The following RUBCNL variants were observed in gnomAD, a reference collection of about 807,000 sequenced individuals.
The protein encoded by RUBCNL is rubicon like autophagy enhancer.
A neutral mutation model predicts 69.5 loss-of-function variants in RUBCNL; 62 were observed. That is an observed-to-expected ratio of 0.89 (90% CI 0.73 to 1.10). The LOEUF is 1.10. Among genes scored for constraint, RUBCNL ranks in the 50% least tolerant of loss-of-function variants. The probability of loss-of-function intolerance (pLI) is 0.00; values close to 1 mark genes in which losing one functional copy is unlikely to be tolerated. For missense variants in RUBCNL, 768 were observed against 798.1 expected (o/e 0.96, Z 0.45); for synonymous variants, 291 against 303.6 (o/e 0.96, Z 0.43).
At chr13:46,365,473 A>G (rs2048733374) in intron 5 of RUBCNL, among the ~76,000 whole-genome samples, 1 of 152,188 alleles carries the variant, frequency 6.6e-6, no homozygotes, top group Non-Finnish European at 1.5e-5. Flanking sequence ...ATGGCACTGG[A>G]GCATTCTGGA....
At chr13:46,365,190 C>A (rs1170782764) in intron 5 of RUBCNL, among the ~76,000 whole-genome samples, 1 of 149,882 alleles carries the variant, frequency 6.7e-6, no homozygotes, top group Non-Finnish European at 1.5e-5. Flanking sequence ...GTAATCCCAG[C>A]TATTTGGGAG....
rs186078964 is a variant in RUBCNL at position 46,376,571 on chromosome 13, C to T, written c.-123+1319G>A. Among the ~76,000 whole-genome samples the T allele has an allele frequency of 4.6e-5, 7 of 152,182 alleles. No individual in the cohort carries two copies. The East Asian group carries it at 7.7e-4, about 17-fold the overall frequency. On this transcript the variant is annotated intron_variant, in intron 2 of 14. Transcript: ENST00000429979. The stretch of plus-strand genomic sequence containing the variant: ...AATTTCTCTTTGTCACACATCTTTT[C>T]GTCTCCAATAATTCTGGATTTTATA...
At chr13:46,354,307 T>C (rs2048435173) in intron 10 of RUBCNL, among the ~76,000 whole-genome samples, 1 of 152,180 alleles carries the variant, frequency 6.6e-6, no homozygotes, top group Non-Finnish European at 1.5e-5. Context: ...CTGTACCCCA[T>C]GCTAATTTCT....
rs992859756 is a variant in RUBCNL at position 46,357,681 on chromosome 13, G to A, written c.1266-1185C>T. Among the ~76,000 whole-genome samples, 8 of 148,128 alleles carry A rather than the reference G, an allele frequency of 5.4e-5. No individual in the cohort carries two copies. The East Asian group carries it at 1.4e-3, about 26-fold the overall frequency. ...GTCTTATTCTGTTGCCCAGGCTGGA[G>A]TGCAGTGGTGCAATCTCAGCTCACT... On this transcript the variant is annotated intron_variant, in intron 9 of 14. Transcript: ENST00000429979.
intron 14 of RUBCNL, 132 bp from the exon 15 acceptor site, chr13:46,343,629 G>A (rs1255078789): frequency 3.3e-6 from 3 of 906,476 alleles, no homozygotes; most frequent in African/African-American, 1.7e-5. Flanking sequence ...AAAGAAACCA[G>A]CCAGGCTGAA....
At chr13:46,347,273 G>A (rs563940469) in intron 12 of RUBCNL, among the ~76,000 whole-genome samples, 34 of 152,220 alleles carry the variant, frequency 2.2e-4, no homozygotes, top group African/African-American at 8.2e-4. Context: ...CAGGTGTGAT[G>A]GCACATGTCT....
chr13:46,338,825 G>A lies in RUBCNL; in HGVS notation c.*4560C>T, dbSNP rs1421333130. The stretch of plus-strand genomic sequence containing the variant: ...TAATCCAAGCACTTTGGGAGGCCGA[G>A]GCGGGTAGATCACTTCTGAGACCAG... On this transcript the variant is annotated 3_prime_UTR_variant, in exon 15 of 15. Coordinates refer to ENST00000429979, the MANE Select transcript of RUBCNL (RefSeq NM_025113.5). 6.6e-6 allele frequency among the ~76,000 whole-genome samples: 1 copy of A among 152,084 alleles called. No homozygotes were observed. Among genetic ancestry groups the A allele is most frequent in the Non-Finnish European group, 1.5e-5 (1 of 68,020 alleles).
Position 46,335,098 on chromosome 13 carries a change from T to TCGA in RUBCNL, c.*8286_*8287insTCG, listed in dbSNP as rs2048095396. The stretch of plus-strand genomic sequence containing the variant: ...TTTTTTTTTTGAGATGGGGTCTCAC[T>TCGA]CTGTCACCCAGGCTGGAATGCAGTG... On this transcript the variant is annotated 3_prime_UTR_variant, in exon 15 of 15. Coordinates refer to ENST00000429979, the MANE Select transcript of RUBCNL (RefSeq NM_025113.5). Among the ~76,000 whole-genome samples the TCGA allele has an allele frequency of 1.3e-5, 2 of 151,724 alleles. No homozygotes were observed. Among genetic ancestry groups the TCGA allele is most frequent in the East Asian group, 3.9e-4 (2 of 5,172 alleles).
intron 10 of RUBCNL, among the ~76,000 whole-genome samples, chr13:46,356,030 C>T (rs1333040676): frequency 1.3e-5 from 2 of 152,110 alleles, no homozygotes; most frequent in Admixed American, 1.3e-4. Context: ...GATAGGGCAG[C>T]AAGGGAAGAC....
upstream of RUBCNL, among the ~76,000 whole-genome samples, chr13:46,388,228 G>GAAAAAAA (rs2049292060): frequency 7.4e-6 from 1 of 135,942 alleles, no homozygotes; most frequent in African/African-American, 2.7e-5. Flanking sequence ...AAACAGAAAG[G>GAAAAAAA]AGAAGAAGGG....
At chr13:46,387,691 G>C, upstream of RUBCNL, 1 of 985,710 alleles carries the variant, frequency 1.0e-6, no homozygotes, top group Non-Finnish European at 1.2e-6. Flanking sequence ...AACGTGAGCT[G>C]TCTCTCTCTG....
Position 46,361,641 on chromosome 13 carries a change from G to A in RUBCNL, c.987-68C>T, listed in dbSNP as rs1017493563. 46 of 1,489,400 alleles carry A rather than the reference G, an allele frequency of 3.1e-5. 1 individual carries two copies. The South Asian group carries it at 5.7e-4, about 18-fold the overall frequency. 92.3% of individuals were successfully genotyped at this position (1,489,400 alleles called of 1,614,324 possible). A position where few individuals can be genotyped will look rare whatever the true frequency, so the allele number is the denominator to read the frequency against. On this transcript the variant is annotated intron_variant, in intron 7 of 14. Transcript: ENST00000429979. Reference sequence around the variant, plus strand: ...AGGAGTATGTTCAGGGTCTTCCTGAGGTTTTCAACTGTTCTTCCCAGCCCC... The same window carrying A: ...AGGAGTATGTTCAGGGTCTTCCTGAAGTTTTCAACTGTTCTTCCCAGCCCC...
In RUBCNL at chr13:46,335,217, A is replaced by T. The variant is rs1232099196; in HGVS notation, c.*8168T>A. On this transcript the variant is annotated 3_prime_UTR_variant, in exon 15 of 15. Coordinates refer to ENST00000429979, the MANE Select transcript of RUBCNL (RefSeq NM_025113.5). ...GTAGCTGGGAATACTGGCACACACC[A>T]TTGTGCCCAGCTAATTTGTGTCTTT... Among the ~76,000 whole-genome samples, 2 of 145,334 alleles carry T rather than the reference A, an allele frequency of 1.4e-5. No homozygotes were observed. Among genetic ancestry groups the T allele is most frequent in the Admixed American group, 1.4e-4 (2 of 14,582 alleles).
intron 8 of RUBCNL, among the ~76,000 whole-genome samples, chr13:46,360,766 T>C (rs1423760629): frequency 1.3e-5 from 2 of 152,232 alleles, no homozygotes; most frequent in Non-Finnish European, 2.9e-5. Context: ...CTGACAGCAG[T>C]GAGCAGTGTG....
rs2764594 is a variant in RUBCNL, at chr13:46,335,441, C to G, written c.*7944G>C. Among the ~76,000 whole-genome samples, 61,469 of 151,594 alleles carry G rather than the reference C, an allele frequency of 0.41. 13,251 individuals are homozygous for G. Among genetic ancestry groups the G allele is most frequent in the East Asian group, 0.59 (3,060 of 5,160 alleles). On this transcript the variant is annotated 3_prime_UTR_variant, in exon 15 of 15. Transcript: ENST00000429979. ...TTAAGTCTTCAGAGGGTTTAATCCA[C>G]GGAGATAGACGATCTGATTTATGCT...
chr13:46,345,756 G>T (rs952330649), intron 12 of RUBCNL, among the ~76,000 whole-genome samples, 156 bp from the exon 13 acceptor site: 1 of 151,964 alleles, frequency 6.6e-6, no homozygotes, highest in Non-Finnish European at 1.5e-5. Context: ...AACCATGCTC[G>T]CCACCATTCT....
chr13:46,389,930 GGA>G (rs1234704247), upstream of RUBCNL: 2 of 152,300 alleles, frequency 1.3e-5, no homozygotes, highest in Non-Finnish European at 2.9e-5. The surrounding 1 kb of genome is among the most constrained non-coding windows in gnomAD (Gnocchi z 4.2). Flanking sequence ...TGCAGGAAAA[GGA>G]GAGGCTGGTT....
chr13:46,356,949 G>A (rs867680177), intron 9 of RUBCNL, among the ~76,000 whole-genome samples: 5 of 146,724 alleles, frequency 3.4e-5, no homozygotes, highest in African/African-American at 1.0e-4. Flanking sequence ...CACTGGTTTC[G>A]AACTCCTGGC....
In RUBCNL at chr13:46,377,893, G is replaced by C. The variant is rs1361588595; in HGVS notation, c.-126C>G. 1.3e-6 allele frequency: 2 copies of C among 1,593,114 alleles called. No individual in the cohort carries two copies. ...AAAGGCCAGGTCGGACACTCACCAG[G>C]AGTATGAATTTCTCGAAGAGGCAGA... On this transcript the variant is annotated 5_prime_UTR_variant, in exon 2 of 15. Coordinates refer to ENST00000429979, the MANE Select transcript of RUBCNL (RefSeq NM_025113.5).
Sources: gnomAD v4.1 joint callset for allele counts (sites outside exome capture counted in the v4.1 genomes callset) on GRCh38, gnomAD v4.1.1 for gene constraint, Gnocchi (gnomAD v3.1) non-coding constraint, MANE v1.5 for transcripts, NCBI Gene and HGNC (gene_info 2026-07-23, HGNC 2026-07-21) for gene names.